Variants in WDR25 observed in about 807,000 individuals in gnomAD.
WDR25 encodes WD repeat domain 25, also known as WD repeat-containing protein 25.
In WDR25, 35 loss-of-function variants were observed where a neutral mutation model predicts 47.7. That is an observed-to-expected ratio of 0.73 (90% CI 0.56 to 0.97). The LOEUF is 0.97. WDR25 is among the 50% of genes least tolerant of loss of function. WDR25 has a pLI of 0.00. For missense variants in WDR25, 634 were observed against 704.7 expected, an observed-to-expected ratio of 0.90 and a Z score of 1.14; for synonymous variants, 248 against 278.9, an observed-to-expected ratio of 0.89 and a Z score of 1.10.
At chr14:100,378,156 T>C (rs1252820074) in intron 1 of WDR25, among the ~76,000 whole-genome samples, 1 of 138,190 alleles carries the variant, frequency 7.2e-6, no homozygotes, top group African/African-American at 2.5e-5. Flanking sequence ...GTATGATGGT[T>C]CAGAATTTCA....
At chr14:100,519,723 C>G (rs952104449) in intron 4 of WDR25, among the ~76,000 whole-genome samples, 1 of 136,176 alleles carries the variant, frequency 7.3e-6, no homozygotes, top group Non-Finnish European at 1.5e-5. Context: ...TGTATATATA[C>G]TATATATAGT....
intron 2 of WDR25, among the ~76,000 whole-genome samples, chr14:100,441,782 TAC>T (rs1898678199): frequency 6.6e-6 from 1 of 152,198 alleles, no homozygotes; most frequent in African/African-American, 2.4e-5. Flanking sequence ...GTGCTTGGCA[TAC>T]AGAGCCTAGT....
chr14:100,526,738 CCA>C (rs1315325808), intron 5 of WDR25, among the ~76,000 whole-genome samples: 2 of 141,388 alleles, frequency 1.4e-5, no homozygotes, highest in African/African-American at 5.0e-5. Flanking sequence ...GTGTCTATAG[CCA>C]CCACAACCAC....
At chr14:100,378,441 A>G (rs938358982) in intron 1 of WDR25, among the ~76,000 whole-genome samples, 2 of 152,038 alleles carry the variant, frequency 1.3e-5, no homozygotes, top group African/African-American at 4.8e-5. Flanking sequence ...TGCTGGGATT[A>G]CAGGCATGAG....
Position 100,421,376 on chromosome 14 carries a change from G to A in WDR25, c.822+39630G>A, listed in dbSNP as rs538461535. 3.9e-5 allele frequency among the ~76,000 whole-genome samples: 6 copies of A among 152,332 alleles called. No homozygotes were observed. The South Asian group carries it at 1.2e-3, about 32-fold the overall frequency. On this transcript the variant is annotated intron_variant, in intron 2 of 6. Transcript: ENST00000402312. Reference sequence around the variant, plus strand: ...GAGCACTTACCATATGCAGCAGGGGGTTGTGAGCCACAGTCGTGGCCTTTG... The same window carrying A: ...GAGCACTTACCATATGCAGCAGGGGATTGTGAGCCACAGTCGTGGCCTTTG...
chr14:100,486,438 C>G (rs549590910), intron 4 of WDR25, among the ~76,000 whole-genome samples: 1 of 152,346 alleles, frequency 6.6e-6, no homozygotes, highest in South Asian at 2.1e-4. Context: ...GCTAAGGGAT[C>G]TGTGCAGTAT....
intron 4 of WDR25, among the ~76,000 whole-genome samples, chr14:100,507,046 T>G (rs1901134244): frequency 6.6e-6 from 1 of 152,184 alleles, no homozygotes; most frequent in African/African-American, 2.4e-5. Context: ...TCTTAAAGTT[T>G]GAGGTCTTAC....
At chr14:100,516,507 A>C (rs1477544846) in intron 4 of WDR25, among the ~76,000 whole-genome samples, 1 of 152,218 alleles carries the variant, frequency 6.6e-6, no homozygotes, top group African/African-American at 2.4e-5. Flanking sequence ...TTCTCCTTTC[A>C]ATTCCATCAG....
At chr14:100,439,331 C>G (rs1418837303) in intron 2 of WDR25, among the ~76,000 whole-genome samples, 1 of 152,168 alleles carries the variant, frequency 6.6e-6, no homozygotes, top group Non-Finnish European at 1.5e-5. Context: ...TGCTTCAGCC[C>G]CCGGACTCCT....
chr14:100,389,858 T>A (rs1204428712), intron 2 of WDR25, among the ~76,000 whole-genome samples: 2 of 152,122 alleles, frequency 1.3e-5, no homozygotes, highest in African/African-American at 4.8e-5. Flanking sequence ...GGCCCCCCCA[T>A]AGAACGAGGG....
intron 4 of WDR25, among the ~76,000 whole-genome samples, chr14:100,501,173 C>T (rs1338034273): frequency 1.3e-5 from 2 of 152,144 alleles, no homozygotes; most frequent in African/African-American, 4.8e-5. Flanking sequence ...GGCACTTCAC[C>T]TGTCTGACCT....
rs2030044990 is a variant in WDR25, at chr14:100,525,007, T to G, written c.1102-863T>G. On this transcript the variant is annotated intron_variant, in intron 4 of 6. Coordinates refer to ENST00000402312, the MANE Select transcript of WDR25 (RefSeq NM_001161476.3). The surrounding 1 kb of genome is among the most constrained non-coding windows in gnomAD (Gnocchi z 4.6). ...GGCGGGGCCCAGGGACTGAACTGTT[T>G]ATGCTGCAGCCACATGGTGGCGGCC... Among the ~76,000 whole-genome samples the G allele has an allele frequency of 6.6e-6, 1 of 152,214 alleles. No homozygotes were observed. The highest frequency in any genetic ancestry group is 2.4e-5 in the African/African-American group (1 of 41,460).
At position 100,529,224 on chromosome 14, in the gene WDR25, TC is replaced by T; in HGVS notation, c.1413+21del. ...AGGGCACAAGGTACTTCTGTCCTTG[TC>T]CCCCAGGCGAATGCTGAGCCCCAGC... On this transcript the variant is annotated intron_variant, in intron 6 of 6. Transcript: ENST00000402312. The surrounding 1 kb of genome is among the most constrained non-coding windows in gnomAD (Gnocchi z 5.1). 6.2e-7 allele frequency: 1 copy of T among 1,612,522 alleles called. No homozygotes were observed.
chr14:100,461,515 T>C (rs1028168917), intron 2 of WDR25, among the ~76,000 whole-genome samples: 1 of 152,222 alleles, frequency 6.6e-6, no homozygotes, highest in Non-Finnish European at 1.5e-5. Flanking sequence ...AGAGACATCC[T>C]GTTCATGGAT....
chr14:100,380,811 G>A (rs1309987804), intron 1 of WDR25, 99 bp from the exon 2 acceptor site: 2 of 1,148,494 alleles, frequency 1.7e-6, no homozygotes, highest in Admixed American at 2.4e-5. Context: ...ATTCTTATGA[G>A]TGTTGAGTTA....
chr14:100,465,208 A>G (rs1243723634), intron 2 of WDR25, among the ~76,000 whole-genome samples: 2 of 152,152 alleles, frequency 1.3e-5, no homozygotes, highest in East Asian at 1.9e-4. Context: ...GCAGAATAAT[A>G]CACAGCATAA....
chr14:100,518,494 G>A (rs1285775203), intron 4 of WDR25, among the ~76,000 whole-genome samples: 1 of 151,342 alleles, frequency 6.6e-6, no homozygotes, highest in African/African-American at 2.4e-5. Flanking sequence ...CTTTGTGGTT[G>A]CAGAGTCTCT....
In WDR25 at chr14:100,428,087, C is replaced by T. The variant is rs747748935; in HGVS notation, c.823-39934C>T. ...TTGAGGGAAGCCAGGTTCCCTGCAG[C>T]AGGGCCTCATCACAGTTCCCCCTGG... On this transcript the variant is annotated intron_variant, in intron 2 of 6. Coordinates refer to ENST00000402312, the MANE Select transcript of WDR25 (RefSeq NM_001161476.3). This position sits in a 1 kb window ranked among gnomAD's most constrained non-coding sequence, Gnocchi z 4.3. 1.3e-5 allele frequency among the ~76,000 whole-genome samples: 2 copies of T among 152,270 alleles called. No homozygotes were observed. The highest frequency in any genetic ancestry group is 2.9e-5 in the Non-Finnish European group (2 of 68,046).
intron 2 of WDR25, among the ~76,000 whole-genome samples, chr14:100,438,266 G>C (rs1451646205): frequency 6.6e-6 from 1 of 152,158 alleles, no homozygotes; most frequent in African/African-American, 2.4e-5. Flanking sequence ...AGTTGTTTTA[G>C]AACCCCTTCA....
Sources: allele counts gnomAD v4.1 joint callset (sites outside exome capture counted in the v4.1 genomes callset), GRCh38; gene constraint gnomAD v4.1.1; non-coding constraint Gnocchi (gnomAD v3.1); transcripts MANE v1.5; gene names NCBI Gene and HGNC (gene_info 2026-07-23, HGNC 2026-07-21).